SLC18B1: variants seen among roughly 807,000 people sequenced by gnomAD.
SLC18B1 encodes the protein solute carrier family 18 member B1.
In SLC18B1, 62 loss-of-function variants were observed where a neutral mutation model predicts 53.9. The observed-to-expected ratio is 1.15, with a 90% confidence interval of 0.94 to 1.42. The LOEUF (loss-of-function observed/expected upper bound fraction) is 1.42, where lower values mean the gene tolerates loss of function less well. SLC18B1 is among the 40% of genes most tolerant of loss of function. The probability of loss-of-function intolerance (pLI) is 0.00; values close to 1 mark genes in which losing one functional copy is unlikely to be tolerated. For synonymous variants in SLC18B1, 217 were observed against 200.9 expected (o/e 1.08, Z -0.68); for missense variants, 598 against 547.3 (o/e 1.09, Z -0.93).
At chr6:132,787,883 T>C (rs7775241) in intron 4 of SLC18B1, among the ~76,000 whole-genome samples, 25,832 of 151,946 alleles carry the variant, frequency 0.17, 4,804 homozygotes, top group African/African-American at 0.47. Context: ...TAGAATCAGC[T>C]GGGCGCAGTG....
intron 2 of SLC18B1, among the ~76,000 whole-genome samples, chr6:132,790,612 A>C (rs181386642): frequency 3.9e-5 from 6 of 152,320 alleles, no homozygotes; most frequent in Non-Finnish European, 8.8e-5. Flanking sequence ...CACAGGACTG[A>C]GGAAACAGCT....
At chr6:132,785,381 G>GA (rs1429321442) in intron 5 of SLC18B1, among the ~76,000 whole-genome samples, 1 of 151,890 alleles carries the variant, frequency 6.6e-6, no homozygotes, top group Non-Finnish European at 1.5e-5. Flanking sequence ...CAATGCTATG[G>GA]AAAAAAAGGG....
intron 4 of SLC18B1, 142 bp downstream of exon 4, chr6:132,789,622 T>G: frequency 1.5e-6 from 1 of 647,492 alleles, no homozygotes; most frequent in Non-Finnish European, 2.8e-6. Flanking sequence ...CTCTACTTAC[T>G]CAACTCCTGC....
chr6:132,786,710 T>C (rs1369264209), intron 5 of SLC18B1, among the ~76,000 whole-genome samples: 1 of 152,018 alleles, frequency 6.6e-6, no homozygotes, highest in Non-Finnish European at 1.5e-5. Flanking sequence ...AGAGAACAAT[T>C]ACATGCTATA....
chr6:132,784,174 T>C, intron 5 of SLC18B1, 85 bp from the exon 6 acceptor site: 1 of 1,153,734 alleles, frequency 8.7e-7, no homozygotes, highest in South Asian at 2.6e-5. Context: ...ATTTCTATCT[T>C]CTTCATAATT....
At position 132,770,917 on chromosome 6, in the gene SLC18B1, T is replaced by A; in HGVS notation, c.1277A>T (p.Tyr426Phe). ...LISGLAMGLF[Y>F]LLEYSRRKRS... is the part of the protein sequence containing the mutation. ...TTTTCTCCTTGAATACTCCAGTAGA[T>A]AAAACAAGCCCATGGCTAATCCCTT... The change falls in exon 13 of 14, where the codon TAT becomes TTT. Residue 426 changes from tyrosine (Y) to phenylalanine (F), a missense_variant. Tyr to Phe is a conservative substitution (Grantham distance 22). Transcript: ENST00000275227. 6.2e-7 allele frequency: 1 copy of A among 1,612,486 alleles called. No individual in the cohort carries two copies. The highest frequency in any genetic ancestry group is 2.2e-5 in the East Asian group (1 of 44,848).
chr6:132,770,296 T>C lies in SLC18B1; in HGVS notation c.1345A>G (p.Thr449Ala). 6 of 1,613,888 alleles carry C rather than the reference T, an allele frequency of 3.7e-6. No individual in the cohort carries two copies. Among genetic ancestry groups the C allele is most frequent in the South Asian group, 1.1e-5 (1 of 91,076 alleles). The change falls in exon 14 of 14, where the codon ACT becomes GCT. Residue 449 changes from threonine to alanine, a missense_variant. By Grantham distance (58) the Thr-to-Ala change is moderately conservative (BLOSUM62 0). Coordinates refer to ENST00000275227, the MANE Select transcript of SLC18B1 (RefSeq NM_052831.3). Reference sequence around the variant, plus strand: ...TAGGTTTCATTAGGCAAGAGAGTAGTTCGTTCCTCCTCTGTGCTGAGGATG... The same window carrying C: ...TAGGTTTCATTAGGCAAGAGAGTAGCTCGTTCCTCCTCTGTGCTGAGGATG... ...QNILSTEEER[T>A]TLLPNET
At chr6:132,778,414 C>T (rs543821038) in intron 7 of SLC18B1, among the ~76,000 whole-genome samples, 2 of 152,098 alleles carry the variant, frequency 1.3e-5, no homozygotes, top group Non-Finnish European at 2.9e-5. Context: ...TGTGAAGTAC[C>T]CCAAACTGTC....
In SLC18B1 at chr6:132,770,880, T is replaced by C. The variant is rs1172261898; in HGVS notation, c.1304+10A>G. On this transcript the variant is annotated intron_variant, in intron 13 of 13. Coordinates refer to ENST00000275227, the MANE Select transcript of SLC18B1 (RefSeq NM_052831.3). ...TAAAGAGAGAAAAAAAGCCCCAAAA[T>C]TGACCATACCTTTTTCTCCTTGAAT... The C allele has an allele frequency of 2.5e-6, 4 of 1,601,600 alleles. No homozygotes were observed. Among genetic ancestry groups the C allele is most frequent in the Middle Eastern group, 1.7e-4 (1 of 5,946 alleles).
rs201150634 is a variant in SLC18B1 at position 132,790,290 on chromosome 6, G to A, written c.184-18C>T. On this transcript the variant is annotated intron_variant, in intron 2 of 13. Coordinates refer to ENST00000275227, the MANE Select transcript of SLC18B1 (RefSeq NM_052831.3). ...TTTTCAGCCTTTAAGTAATAGAAAC[G>A]GAAACAAAGTTTCAAAGAAAAATTA... 6.6e-5 allele frequency: 98 copies of A among 1,491,270 alleles called. No individual in the cohort carries two copies. In the African/African-American group the frequency reaches 6.7e-4, roughly 10 times the overall value. 92.4% of individuals were successfully genotyped at this position (1,491,270 alleles called of 1,614,324 possible). A position where few individuals can be genotyped will look rare whatever the true frequency, so the allele number is the denominator to read the frequency against.
At chr6:132,789,579 G>C (rs1781470313) in intron 4 of SLC18B1, 185 bp downstream of exon 4, 2 of 518,052 alleles carry the variant, frequency 3.9e-6, no homozygotes, top group Non-Finnish European at 7.0e-6. Flanking sequence ...CCGGAGGCCT[G>C]TTTCCTTAAA....
At chr6:132,774,126 G>C in intron 9 of SLC18B1, 96 bp downstream of exon 9, 1 of 708,474 alleles carries the variant, frequency 1.4e-6, no homozygotes, top group Non-Finnish European at 2.3e-6. Flanking sequence ...AAATATTAAT[G>C]TTCAAAATAC....
chr6:132,781,995 C>G (rs1781249604), intron 6 of SLC18B1, among the ~76,000 whole-genome samples: 1 of 151,830 alleles, frequency 6.6e-6, no homozygotes, highest in African/African-American at 2.4e-5. Flanking sequence ...CGAGACCAGA[C>G]TGGCCAACAT....
chr6:132,789,193 C>T (rs1317794425), intron 4 of SLC18B1, among the ~76,000 whole-genome samples: 2 of 152,084 alleles, frequency 1.3e-5, no homozygotes, highest in Non-Finnish European at 2.9e-5. Flanking sequence ...CTGAACTGAG[C>T]ATGTGACCTG....
rs773483130 is a variant in SLC18B1 at position 132,798,387 on chromosome 6, G to A, written c.43+27C>T. 6.6e-6 allele frequency: 10 copies of A among 1,514,862 alleles called. 1 individual carries two copies. The South Asian group carries it at 1.1e-4, about 17-fold the overall frequency. The allele number at this position is 1,514,862 out of a possible 1,614,324, so 93.8% of individuals were successfully genotyped here. A position where few individuals can be genotyped will look rare whatever the true frequency, so the allele number is the denominator to read the frequency against. On this transcript the variant is annotated intron_variant, in intron 1 of 13. Coordinates refer to ENST00000275227, the MANE Select transcript of SLC18B1 (RefSeq NM_052831.3). ...GCCGGAAGCCGCCGCTGGTCTCCGG[G>A]CTCCCGGCCACGCAATTCATGGTCA...
intron 5 of SLC18B1, 106 bp downstream of exon 5, chr6:132,787,328 G>T: frequency 8.9e-7 from 1 of 1,127,746 alleles, no homozygotes; most frequent in Non-Finnish European, 1.2e-6. Context: ...AATACAGAGA[G>T]TAGAGAAATG....
At chr6:132,796,218 A>G (rs9321370) in intron 2 of SLC18B1, among the ~76,000 whole-genome samples, 21,257 of 150,960 alleles carry the variant, frequency 0.14, 3,052 homozygotes, top group African/African-American at 0.37. Context: ...AGCTGGGCGT[A>G]GTGGCGGGTA....
intron 2 of SLC18B1, among the ~76,000 whole-genome samples, chr6:132,792,227 G>GA: frequency 1.2e-3 from 1 of 826 alleles, no homozygotes; most frequent in Non-Finnish European, 3.0e-3. Context: ...GACACTGTCA[G>GA]AAAGAAAGAA....
chr6:132,792,220 ACTGT>A (rs1350667142), intron 2 of SLC18B1, among the ~76,000 whole-genome samples: 12 of 129,094 alleles, frequency 9.3e-5, no homozygotes, highest in African/African-American at 4.4e-4. Flanking sequence ...AGAGCAAGAC[ACTGT>A]CAGAAAGAAA....
Sources: allele counts gnomAD v4.1 joint callset (sites outside exome capture counted in the v4.1 genomes callset), GRCh38; gene constraint gnomAD v4.1.1; transcripts MANE v1.5; gene names NCBI Gene and HGNC (gene_info 2026-07-23, HGNC 2026-07-21).